The following USP50 variants were observed in gnomAD, a reference collection of about 807,000 sequenced individuals.
USP50 encodes the protein ubiquitin carboxyl-terminal hydrolase 50.
Under a neutral mutation model 39.2 loss-of-function variants are expected in USP50, and 37 were observed. The observed-to-expected ratio is 0.94, with a 90% CI of 0.73 to 1.24. The LOEUF (loss-of-function observed/expected upper bound fraction) is 1.24, where lower values mean the gene tolerates loss of function less well. Among genes scored for constraint, USP50 ranks in the 50% most tolerant of loss-of-function variants. The probability of loss-of-function intolerance (pLI) is 0.00; values close to 1 mark genes in which losing one functional copy is unlikely to be tolerated. For synonymous variants in USP50, 139 were observed against 144.5 expected (o/e 0.96, Z 0.27); for missense variants, 374 against 398.2 (o/e 0.94, Z 0.52).
chr15:50,498,724 T>C (rs1456280661), downstream of USP50: 1 of 1,605,972 alleles, frequency 6.2e-7, no homozygotes, highest in Admixed American at 1.7e-5. Flanking sequence ...TTGTTTTCTG[T>C]TTCAGTAAGT....
At chr15:50,504,260 C>T (rs2052628110) in intron 6 of USP50, 1 of 152,154 alleles carries the variant, frequency 6.6e-6, no homozygotes, top group South Asian at 2.1e-4. Context: ...CATGGTGGCT[C>T]ACACGTGTAA....
intron 6 of USP50, among the ~76,000 whole-genome samples, chr15:50,529,532 C>T (rs963300637): frequency 1.3e-5 from 2 of 152,120 alleles, no homozygotes; most frequent in African/African-American, 4.8e-5. Flanking sequence ...TCTGCTGCTG[C>T]TGCTTCTAGG....
intron 6 of USP50, chr15:50,501,640 A>G (rs1265189063): frequency 6.6e-6 from 1 of 152,088 alleles, no homozygotes; most frequent in Non-Finnish European, 1.5e-5. Flanking sequence ...CCCATAGGGT[A>G]CAAAAAATAA....
At chr15:50,519,639 C>T (rs1215976160) in intron 6 of USP50, among the ~76,000 whole-genome samples, 1 of 150,088 alleles carries the variant, frequency 6.7e-6, no homozygotes, top group African/African-American at 2.4e-5. Flanking sequence ...GGCATGAACC[C>T]GGGAGGCGGA....
intron 5 of USP50, among the ~76,000 whole-genome samples, chr15:50,536,681 C>T (rs1327451615): frequency 6.6e-6 from 1 of 151,410 alleles, no homozygotes; most frequent in South Asian, 2.1e-4. Context: ...TAAAAAAAAA[C>T]ACAATACCAT....
intron 6 of USP50, among the ~76,000 whole-genome samples, chr15:50,524,751 G>A (rs1400284731): frequency 6.6e-6 from 1 of 152,216 alleles, no homozygotes; most frequent in African/African-American, 2.4e-5. Context: ...ACACATGCCT[G>A]TAGTCTCAGA....
Position 50,538,819 on chromosome 15 carries a change from T to G in USP50, c.693A>C (p.Ala231=), listed in dbSNP as rs763946278. ...AGTGAATTTCGTTGTTCCAGGTCAG[T>G]GCGTCTTGTTGAAAAAAACATTGGA... ...DCLQCFFQQD[A]LTWNNEIHCS... The change falls in exon 5 of 7, where the codon GCA becomes GCC. Residue 231 remains alanine, a synonymous_variant. Coordinates refer to ENST00000532404, the MANE Select transcript of USP50 (RefSeq NM_203494.5). 1 of 1,611,324 alleles carries G rather than the reference T, an allele frequency of 6.2e-7. No homozygotes were observed. The highest frequency in any genetic ancestry group is 8.5e-7 in the Non-Finnish European group (1 of 1,178,932).
Position 50,529,885 on chromosome 15 carries a change from A to G in USP50, c.848T>C (p.Ile283Thr). 1 of 1,614,018 alleles carries G rather than the reference A, an allele frequency of 6.2e-7. No individual in the cohort carries two copies. Among genetic ancestry groups the G allele is most frequent in the Non-Finnish European group, 8.5e-7 (1 of 1,179,890 alleles). Residue 283 changes from isoleucine (I) to threonine (T), a missense_variant, in exon 6 of 7, where the codon ATT becomes ACT. Transcript: ENST00000532404. ...GTCCAAGTTAGTGAGTGGGTAATGA[A>G]TATCCGTTCTCAGCTTCCTTTTTGT... The part of the protein sequence containing the change: ...GTTKRKLRTD[I>T]HYPLTNLDLT...
At chr15:50,528,367 C>G (rs2052915565) in intron 6 of USP50, among the ~76,000 whole-genome samples, 1 of 151,792 alleles carries the variant, frequency 6.6e-6, no homozygotes, top group African/African-American at 2.4e-5. Flanking sequence ...GTCTCTAACT[C>G]CTGGCCCCAA....
At position 50,506,121 on chromosome 15, in the gene USP50, G is replaced by C. The variant is rs1305255264; in HGVS notation, c.937-5284C>G. 4 of 152,172 alleles carry C rather than the reference G, an allele frequency of 2.6e-5. No homozygotes were observed. The East Asian group carries it at 7.7e-4, about 29-fold the overall frequency. The allele number at this position is 152,172 out of a possible 1,614,324, so 9.4% of individuals were successfully genotyped here. A position where few individuals can be genotyped will look rare whatever the true frequency, so the allele number is the denominator to read the frequency against. On this transcript the variant is annotated intron_variant, in intron 6 of 6. Transcript: ENST00000532404. The stretch of plus-strand genomic sequence containing the variant: ...CATAATTACTAAAGAATCAAAATGT[G>C]TAACTTCCAAAGTTGTAGAGGGAAA...
downstream of USP50, chr15:50,493,500 C>T (rs552778236): frequency 1.9e-6 from 1 of 518,662 alleles, no homozygotes; most frequent in African/African-American, 1.9e-5. Flanking sequence ...CACTGGTAAT[C>T]CTAGCACTTT....
rs532169460 is a variant in USP50, at chr15:50,531,112, C to T, written c.804-1183G>A. Reference sequence around the variant, plus strand: ...AAAATGGCTGATGGAGGTCTGAGGCCGGGAAATTACCGCGACTGAGACATT... The same window carrying T: ...AAAATGGCTGATGGAGGTCTGAGGCTGGGAAATTACCGCGACTGAGACATT... On this transcript the variant is annotated intron_variant, in intron 5 of 6. Transcript: ENST00000532404. Among the ~76,000 whole-genome samples, 4 of 151,952 alleles carry T rather than the reference C, an allele frequency of 2.6e-5. No homozygotes were observed. The East Asian group carries it at 5.8e-4, about 22-fold the overall frequency.
At chr15:50,515,264 C>T (rs3098184) in intron 6 of USP50, among the ~76,000 whole-genome samples, 27,998 of 151,666 alleles carry the variant, frequency 0.18, 3,263 homozygotes, top group East Asian at 0.46. Flanking sequence ...GTTTTTGAGA[C>T]GGAGTCTTGC....
At chr15:50,507,529 T>C (rs2141346978) in intron 6 of USP50, 1 of 152,248 alleles carries the variant, frequency 6.6e-6, no homozygotes, top group East Asian at 1.9e-4. Flanking sequence ...TGAGTCACTT[T>C]ATAATGAAAA....
chr15:50,521,850 G>C (rs572884085), intron 6 of USP50, among the ~76,000 whole-genome samples: 1 of 152,246 alleles, frequency 6.6e-6, no homozygotes, highest in South Asian at 2.1e-4. Context: ...TGTAGTTCTA[G>C]CTAGTTGGGA....
intron 6 of USP50, among the ~76,000 whole-genome samples, chr15:50,525,236 G>A (rs1322728683): frequency 2.6e-5 from 4 of 152,166 alleles, no homozygotes; most frequent in Non-Finnish European, 5.9e-5. Flanking sequence ...GAAGTAGAGA[G>A]TAGAATGGTG....
chr15:50,498,800 C>T, downstream of USP50: 7 of 1,553,582 alleles, frequency 4.5e-6, no homozygotes, highest in South Asian at 4.9e-5. Flanking sequence ...TGGTTTCCTA[C>T]CTCATGGAAG....
chr15:50,541,204 A>C lies in USP50; in HGVS notation c.505T>G (p.Trp169Gly). 1 of 1,613,970 alleles carries C rather than the reference A, an allele frequency of 6.2e-7. No homozygotes were observed. Among genetic ancestry groups the C allele is most frequent in the Non-Finnish European group, 8.5e-7 (1 of 1,179,882 alleles). Residue 169 changes from tryptophan (W) to glycine (G), a missense_variant, in exon 4 of 7, where the codon TGG becomes GGG. By Grantham distance (184) the Trp-to-Gly change is radical (BLOSUM62 -2). Transcript: ENST00000532404. ...ATGATGGATGTCTCAGTGGTAATCC[A>C]CTTCCTGCAGCATCTCTGAGTAGAT... ...KGSTQRCCRK[W>G]ITTETSIITQ...
At chr15:50,496,384 G>T (rs1338002530), downstream of USP50, among the ~76,000 whole-genome samples, 1 of 151,484 alleles carries the variant, frequency 6.6e-6, no homozygotes, top group Non-Finnish European at 1.5e-5. Flanking sequence ...AGGAGGCTGA[G>T]GCAGGAGAAT....
Sources: allele counts gnomAD v4.1 joint callset (sites outside exome capture counted in the v4.1 genomes callset), GRCh38; gene constraint gnomAD v4.1.1; transcripts MANE v1.5; gene names NCBI Gene and HGNC (gene_info 2026-07-23, HGNC 2026-07-21).